The following DGKI variants were observed in gnomAD, a reference collection of about 807,000 sequenced individuals.
DGKI encodes the protein DAG kinase iota.
Under a neutral mutation model 147.5 loss-of-function variants are expected in DGKI, and 55 were observed. The observed-to-expected ratio is 0.37, with a 90% CI of 0.30 to 0.47. DGKI has a LOEUF of 0.47. DGKI is among the 20% of genes least tolerant of loss of function. The pLI, the probability that DGKI is intolerant of heterozygous loss-of-function variation, is 1.00. For synonymous variants in DGKI, 469 were observed against 477.1 expected (o/e 0.98, Z 0.22); for missense variants, 1,007 against 1,323.8 (o/e 0.76, Z 3.71).
intron 1 of DGKI, among the ~76,000 whole-genome samples, chr7:137,821,157 C>T (rs1797885642): frequency 6.6e-6 from 1 of 152,128 alleles, no homozygotes; most frequent in African/African-American, 2.4e-5. Context: ...TCCCAGAAAA[C>T]TGGGAGAACA....
intron 27 of DGKI, among the ~76,000 whole-genome samples, chr7:137,450,496 A>G (rs550153611): frequency 6.6e-6 from 1 of 152,330 alleles, no homozygotes; most frequent in African/African-American, 2.4e-5. Flanking sequence ...AGGCGGGCAG[A>G]TCACCTGAGA....
At chr7:137,488,279 C>CA (rs1288639078) in intron 21 of DGKI, among the ~76,000 whole-genome samples, 1 of 151,902 alleles carries the variant, frequency 6.6e-6, no homozygotes, top group African/African-American at 2.4e-5. Context: ...AAGAAAAGAA[C>CA]AAAAAACAGC....
At chr7:137,509,691 C>T (rs1816510402) in intron 21 of DGKI, among the ~76,000 whole-genome samples, 1 of 152,098 alleles carries the variant, frequency 6.6e-6, no homozygotes, top group South Asian at 2.1e-4. Flanking sequence ...AGTTTGATAA[C>T]ACCTAAAATA....
chr7:137,391,256 C>A lies in DGKI; in HGVS notation c.3138G>T (p.Lys1046Asn). The A allele has an allele frequency of 2.5e-6, 4 of 1,613,874 alleles. No homozygotes were observed. The highest frequency in any genetic ancestry group is 3.4e-6 in the Non-Finnish European group (4 of 1,179,946). ...TTTCCAGGTCCTCATGGCCAATGAC[C>A]TTATAGTTCTGACGGCTTTCTAGGT... The part of the protein sequence containing the change: ...AAYLESRQNY[K>N]VIGHEDLETA... Residue 1046 changes from lysine to asparagine, a missense_variant, in exon 33 of 33, where the codon AAG becomes AAT. Physicochemically the swap from Lys to Asn is moderately conservative, Grantham distance 94 (BLOSUM62 0). Transcript: ENST00000614521.
Position 137,672,822 on chromosome 7 carries a change from C to G in DGKI, c.606+5735G>C, listed in dbSNP as rs547941741. Among the ~76,000 whole-genome samples, 3 of 133,506 alleles carry G rather than the reference C, an allele frequency of 2.2e-5. No individual in the cohort carries two copies. The East Asian group carries it at 6.7e-4, about 30-fold the overall frequency. 87.6% of individuals were successfully genotyped at this position (133,506 alleles called of 152,430 possible). The stretch of plus-strand genomic sequence containing the variant: ...TGAGAGGGAGTTTCGCTCTTTTTGC[C>G]CAGGCTGGAGTGCAATGGCACGATC... On this transcript the variant is annotated intron_variant, in intron 3 of 32. Transcript: ENST00000614521.
intron 1 of DGKI, among the ~76,000 whole-genome samples, chr7:137,844,960 C>T (rs556989535): frequency 1.3e-5 from 2 of 152,184 alleles, no homozygotes; most frequent in Admixed American, 1.3e-4. Context: ...AGGGGCCAGA[C>T]GGGCCATCAT....
chr7:137,800,291 T>A (rs1797157584), intron 1 of DGKI, among the ~76,000 whole-genome samples: 1 of 152,116 alleles, frequency 6.6e-6, no homozygotes, highest in Non-Finnish European at 1.5e-5. Context: ...CACCCAAATA[T>A]CCTGTTGAAA....
chr7:137,534,897 A>G (rs1414878746), intron 20 of DGKI, among the ~76,000 whole-genome samples: 1 of 152,144 alleles, frequency 6.6e-6, no homozygotes, highest in Non-Finnish European at 1.5e-5. Flanking sequence ...TGAAGTTGTT[A>G]GAGTGGAGCC....
intron 1 of DGKI, among the ~76,000 whole-genome samples, chr7:137,753,130 C>T (rs1425542641): frequency 6.6e-6 from 1 of 152,140 alleles, no homozygotes; most frequent in African/African-American, 2.4e-5. Context: ...CTCAACTTCT[C>T]CCCATGAGGT....
intron 21 of DGKI, among the ~76,000 whole-genome samples, chr7:137,497,121 A>G (rs1371322459): frequency 1.3e-5 from 2 of 150,798 alleles, no homozygotes; most frequent in Non-Finnish European, 3.0e-5. Context: ...AAAAAAAAAA[A>G]GTGGGCAAAA....
chr7:137,401,774 C>G (rs1003648553), intron 30 of DGKI, among the ~76,000 whole-genome samples: 1 of 152,132 alleles, frequency 6.6e-6, no homozygotes, highest in Admixed American at 6.5e-5. Context: ...CTTTGGCTGA[C>G]CTGAACCAGA....
At position 137,846,161 on chromosome 7, in the gene DGKI, T is replaced by TCTCTCTCTCACACACACA. The variant is rs781580130; in HGVS notation, c.401+300_401+301insTGTGTGTGTGAGAGAGAG. 9.2e-6 allele frequency among the ~76,000 whole-genome samples: 1 copy of TCTCTCTCTCACACACACA among 108,182 alleles called. No homozygotes were observed. Among genetic ancestry groups the TCTCTCTCTCACACACACA allele is most frequent in the Non-Finnish European group, 1.8e-5 (1 of 55,330 alleles). The allele number at this position is 108,182 out of a possible 152,430, so 71.0% of individuals were successfully genotyped here. A position where few individuals can be genotyped will look rare whatever the true frequency, so the allele number is the denominator to read the frequency against. On this transcript the variant is annotated intron_variant, in intron 1 of 32. Coordinates refer to ENST00000614521, the MANE Select transcript of DGKI (RefSeq NM_001321708.2). This position sits in a 1 kb window ranked among gnomAD's most constrained non-coding sequence, Gnocchi z 4.0. ...CTCTCTCTCTCTCTCTCTCTCTCTC[T>TCTCTCTCTCACACACACA]CACACACACACACACACACACACAC...
chr7:137,429,257 C>T (rs192736774), intron 28 of DGKI, among the ~76,000 whole-genome samples: 45 of 151,170 alleles, frequency 3.0e-4, no homozygotes, highest in African/African-American at 9.4e-4. Flanking sequence ...CACATATCTA[C>T]AACTATCTGA....
chr7:137,415,984 T>C (rs966563987), intron 28 of DGKI, among the ~76,000 whole-genome samples: 2 of 123,420 alleles, frequency 1.6e-5, no homozygotes, highest in Admixed American at 9.5e-5. Flanking sequence ...AGTGAGACTC[T>C]GTCTCAAAAC....
intron 21 of DGKI, among the ~76,000 whole-genome samples, chr7:137,517,652 G>C (rs1214708953): frequency 6.6e-6 from 1 of 152,144 alleles, no homozygotes; most frequent in Non-Finnish European, 1.5e-5. Flanking sequence ...GGAATGCCCT[G>C]TATTACCTTT....
At chr7:137,448,725 G>A (rs1331702057) in intron 27 of DGKI, among the ~76,000 whole-genome samples, 1 of 108,456 alleles carries the variant, frequency 9.2e-6, no homozygotes, top group African/African-American at 3.4e-5. Context: ...GAGGAAGGGA[G>A]GGAGGAAGGG....
intron 2 of DGKI, among the ~76,000 whole-genome samples, chr7:137,687,482 C>T (rs1823459085): frequency 6.6e-6 from 1 of 152,152 alleles, no homozygotes; most frequent in East Asian, 1.9e-4. Flanking sequence ...GCACCTTAAA[C>T]AGAACAAAGA....
intron 1 of DGKI, among the ~76,000 whole-genome samples, chr7:137,710,941 G>A (rs1436117980): frequency 6.6e-6 from 1 of 152,118 alleles, no homozygotes; most frequent in Non-Finnish European, 1.5e-5. Context: ...TGAACAGGTA[G>A]TTTACAAAAG....
intron 28 of DGKI, among the ~76,000 whole-genome samples, chr7:137,443,599 CAACA>C (rs1387441896): frequency 6.6e-6 from 1 of 152,172 alleles, no homozygotes; most frequent in Non-Finnish European, 1.5e-5. Context: ...AACTGGGTAA[CAACA>C]AATACCACTG....
Sources: gnomAD v4.1 joint callset for allele counts (sites outside exome capture counted in the v4.1 genomes callset) on GRCh38, gnomAD v4.1.1 for gene constraint, Gnocchi (gnomAD v3.1) non-coding constraint, MANE v1.5 for transcripts, NCBI Gene and HGNC (gene_info 2026-07-23, HGNC 2026-07-21) for gene names.